MYCBP2: variants seen among roughly 807,000 people sequenced by gnomAD.
MYCBP2 encodes MYC binding protein 2.
In MYCBP2, 120 loss-of-function variants were observed where a neutral mutation model predicts 525.3. The ratio of observed to expected loss-of-function variants is 0.23; its 90% CI spans 0.20 to 0.27. The LOEUF (loss-of-function observed/expected upper bound fraction) is 0.27. Among genes scored for constraint, MYCBP2 ranks in the 10% least tolerant of loss-of-function variants. The probability of loss-of-function intolerance (pLI) is 1.00; values close to 1 mark genes in which losing one functional copy is unlikely to be tolerated. For missense variants in MYCBP2, 4,149 were observed against 5,657.1 expected (o/e 0.73, Z 8.55); for synonymous variants, 1,894 against 1,955.8 (o/e 0.97, Z 0.83).
At chr13:77,116,310 A>G (rs1340857347) in intron 55 of MYCBP2, among the ~76,000 whole-genome samples, 1 of 152,014 alleles carries the variant, frequency 6.6e-6, no homozygotes, top group Non-Finnish European at 1.5e-5. Context: ...TTCACTAAGA[A>G]TAAGCCATCT....
At chr13:77,077,594 TAAGGTTAATAC>T in intron 66 of MYCBP2, 1 of 571,804 alleles carries the variant, frequency 1.7e-6, no homozygotes, top group Non-Finnish European at 2.9e-6. Flanking sequence ...ATGAAGAAAC[TAAGGTTAATAC>T]AGGTTAAGGG....
At position 77,251,170 on chromosome 13, in the gene MYCBP2, G is replaced by A; in HGVS notation, c.2362C>T (p.Pro788Ser). The A allele has an allele frequency of 6.2e-7, 1 of 1,613,916 alleles. No homozygotes were observed. Among genetic ancestry groups the A allele is most frequent in the Non-Finnish European group, 8.5e-7 (1 of 1,180,020 alleles). ...YGASCVSSGRPDRVPGGICGC... is the reference protein window; with the variant it reads ...YGASCVSSGRSDRVPGGICGC... The stretch of plus-strand genomic sequence containing the variant: ...TCTTACCCTCCGGGGACTCTGTCTG[G>A]CCGTCCACTACTGACACAGCTGGCT... Residue 788 changes from proline (P) to serine (S), a missense_variant, in exon 15 of 83, where the codon CCA becomes TCA. Around this residue, in one of 21 missense-constraint regions of MYCBP2, gnomAD observed 620 missense variants for 795.5 expected, o/e 0.78. Transcript: ENST00000544440.
At chr13:77,210,206 T>G (rs2063811631) in intron 23 of MYCBP2, among the ~76,000 whole-genome samples, 1 of 150,338 alleles carries the variant, frequency 6.7e-6, no homozygotes, top group South Asian at 2.1e-4. Flanking sequence ...TTTTTTTCTT[T>G]TTTTTTTTTT....
chr13:77,236,935 C>G (rs1393057321), intron 17 of MYCBP2, among the ~76,000 whole-genome samples: 1 of 152,076 alleles, frequency 6.6e-6, no homozygotes, highest in Non-Finnish European at 1.5e-5. Flanking sequence ...GAGGAAAACA[C>G]TACTCTTATA....
At chr13:77,151,422 A>C (rs2056437930) in intron 46 of MYCBP2, among the ~76,000 whole-genome samples, 1 of 152,242 alleles carries the variant, frequency 6.6e-6, no homozygotes, top group Non-Finnish European at 1.5e-5. Context: ...TTAACACTTA[A>C]TAAAACAAAT....
At chr13:77,131,513 A>AC (rs1566645430) in intron 52 of MYCBP2, among the ~76,000 whole-genome samples, 62 of 59,184 alleles carry the variant, frequency 1.0e-3, no homozygotes, top group East Asian at 6.7e-3. Flanking sequence ...CACACACACA[A>AC]ACAAACACAC....
chr13:77,242,349 T>C (rs1022690804), intron 17 of MYCBP2, among the ~76,000 whole-genome samples: 1 of 152,166 alleles, frequency 6.6e-6, no homozygotes, highest in Non-Finnish European at 1.5e-5. Context: ...CTCTTGATCT[T>C]GTGATCTGCC....
rs767099342 is a variant in MYCBP2, at chr13:77,168,538, T to A, written c.6004A>T (p.Thr2002Ser). ...AFNPNQSTDSTTGNQPEQGLS... is the reference protein window; with the variant it reads ...AFNPNQSTDSSTGNQPEQGLS... ...CCCTGTTCAGGCTGGTTTCCTGTGG[T>A]GCTATCTGTCGACTGATTAGGGTTG... Residue 2002 changes from threonine (T) to serine (S), a missense_variant, in exon 40 of 83, where the codon ACC (threonine) becomes TCC (serine). Around this residue, in one of 21 missense-constraint regions of MYCBP2, gnomAD observed 692 missense variants for 852.7 expected, o/e 0.81. Coordinates refer to ENST00000544440, the MANE Select transcript of MYCBP2 (RefSeq NM_015057.5). The A allele has an allele frequency of 6.2e-7, 1 of 1,614,028 alleles. No individual in the cohort carries two copies.
intron 55 of MYCBP2, among the ~76,000 whole-genome samples, chr13:77,107,589 T>G (rs1007935836): frequency 6.6e-6 from 1 of 151,870 alleles, no homozygotes; most frequent in Non-Finnish European, 1.5e-5. Context: ...AATACAAAAA[T>G]TAGGCAGGTG....
At position 77,205,576 on chromosome 13, in the gene MYCBP2, A is replaced by T; in HGVS notation, c.3612T>A (p.Ala1204=). 1 of 1,612,584 alleles carries T rather than the reference A, an allele frequency of 6.2e-7. No homozygotes were observed. The highest frequency in any genetic ancestry group is 8.5e-7 in the Non-Finnish European group (1 of 1,179,562). The change falls in exon 25 of 83, where the codon GCT becomes GCA. Residue 1204 remains alanine, a synonymous_variant. Transcript: ENST00000544440. ...CAACACCCATTTTTAAGTCCTGCAT[A>T]GCTGCCAAGGTATCAAGACAACCTA... The part of the protein sequence containing the change: ...HILGCLDTLA[A]MQDLKMGVAS...
intron 15 of MYCBP2, among the ~76,000 whole-genome samples, chr13:77,248,009 G>A (rs1019825871): frequency 5.9e-5 from 9 of 151,970 alleles, no homozygotes; most frequent in Non-Finnish European, 1.3e-4. Flanking sequence ...GGGAAGCGGG[G>A]AGGGATAGCA....
chr13:77,205,747 A>C lies in MYCBP2; in HGVS notation c.3590-149T>G, dbSNP rs2063255125. 4.4e-6 allele frequency: 3 copies of C among 675,168 alleles called. No individual in the cohort carries two copies. The East Asian group carries it at 8.8e-5, about 20-fold the overall frequency. 41.8% of individuals were successfully genotyped at this position (675,168 alleles called of 1,614,324 possible). A position where few individuals can be genotyped will look rare whatever the true frequency, so the allele number is the denominator to read the frequency against. ...AACATCATTTCATGGAAGAATGCTT[A>C]AAACCAATACAAATTATCCCTTGTC... On this transcript the variant is annotated intron_variant, in intron 24 of 82. Coordinates refer to ENST00000544440, the MANE Select transcript of MYCBP2 (RefSeq NM_015057.5).
At chr13:77,291,013 T>C (rs193170772) in intron 2 of MYCBP2, among the ~76,000 whole-genome samples, 33 of 152,320 alleles carry the variant, frequency 2.2e-4, no homozygotes, top group Middle Eastern at 3.4e-3. Flanking sequence ...GAGTGAAATT[T>C]AAAGACTTAA....
chr13:77,325,835 C>T (rs2082224517), intron 1 of MYCBP2, among the ~76,000 whole-genome samples: 1 of 152,186 alleles, frequency 6.6e-6, no homozygotes, highest in Admixed American at 6.5e-5. Flanking sequence ...AAATCTCTAT[C>T]AGACACCTTT....
intron 32 of MYCBP2, among the ~76,000 whole-genome samples, 170 bp downstream of exon 32, chr13:77,184,930 TGAA>T (rs1382874702): frequency 1.3e-5 from 2 of 152,220 alleles, no homozygotes; most frequent in African/African-American, 4.8e-5. Flanking sequence ...TAAAAGATGA[TGAA>T]GCAGATTTAA....
chr13:77,106,048 T>A (rs1264581460), intron 55 of MYCBP2, among the ~76,000 whole-genome samples: 1 of 152,144 alleles, frequency 6.6e-6, no homozygotes, highest in Non-Finnish European at 1.5e-5. Context: ...GAACGCATTC[T>A]CATTTCAGTT....
intron 3 of MYCBP2, among the ~76,000 whole-genome samples, chr13:77,283,850 A>C (rs867427443): frequency 2.0e-5 from 3 of 152,210 alleles, no homozygotes; most frequent in Admixed American, 6.5e-5. Flanking sequence ...GTGAGCTGAG[A>C]TCACGCCACT....
At chr13:77,055,218 G>A (rs1253182794) in intron 80 of MYCBP2, among the ~76,000 whole-genome samples, 3 of 152,146 alleles carry the variant, frequency 2.0e-5, no homozygotes, top group African/African-American at 7.2e-5. Context: ...TGGAAGCCAA[G>A]GAATTAAGGG....
At chr13:77,294,127 T>TATATATATATACATAC (rs1350132831) in intron 2 of MYCBP2, among the ~76,000 whole-genome samples, 1 of 60,858 alleles carries the variant, frequency 1.6e-5, no homozygotes, top group Non-Finnish European at 3.9e-5. Context: ...TATATATATA[T>TATATATATATACATAC]ATACATATAT....
Sources: allele counts gnomAD v4.1 joint callset (sites outside exome capture counted in the v4.1 genomes callset), GRCh38; gene constraint gnomAD v4.1.1; regional missense constraint gnomAD v4.1.1; transcripts MANE v1.5; gene names NCBI Gene and HGNC (gene_info 2026-07-23, HGNC 2026-07-21).